The following CAMTA1 variants were observed in gnomAD, a reference collection of about 807,000 sequenced individuals.
The protein encoded by CAMTA1 is calmodulin binding transcription activator 1.
CAMTA1 carries 27 observed loss-of-function variants against 170.9 expected under a neutral mutation model. That is an observed-to-expected ratio of 0.16 (90% CI 0.12 to 0.22). CAMTA1 has a LOEUF of 0.22. Ranked by LOEUF, CAMTA1 falls within the 10% of genes least tolerant of loss-of-function variation. The pLI is 1.00. For synonymous variants in CAMTA1, 833 were observed against 891.5 expected, an observed-to-expected ratio of 0.93 and a Z score of 1.17; for missense variants, 1,619 against 2,217.2, an observed-to-expected ratio of 0.73 and a Z score of 5.42.
At chr1:7,094,261 C>T (rs1641810353) in intron 4 of CAMTA1, among the ~76,000 whole-genome samples, 1 of 147,408 alleles carries the variant, frequency 6.8e-6, no homozygotes, top group African/African-American at 2.5e-5. Flanking sequence ...TGGATCCCCA[C>T]CCCCACCCCA....
In CAMTA1 at chr1:7,268,788, A is replaced by G. The variant is rs78775474; in HGVS notation, c.438+19162A>G. Among the ~76,000 whole-genome samples the G allele has an allele frequency of 8.0e-3, 1,216 of 152,332 alleles. 10 individuals carry two copies. Among genetic ancestry groups the G allele is most frequent in the Non-Finnish European group, 0.013 (881 of 68,026 alleles). On this transcript the variant is annotated intron_variant, in intron 5 of 22. Coordinates refer to ENST00000303635, the MANE Select transcript of CAMTA1 (RefSeq NM_015215.4). ...TTACTAAACATATAAGGAAACAGGA[A>G]AATATGACCTATATCCAGGAGAGAA...
intron 4 of CAMTA1, among the ~76,000 whole-genome samples, chr1:7,166,288 A>G (rs1337831132): frequency 1.3e-5 from 2 of 151,938 alleles, no homozygotes; most frequent in Admixed American, 6.6e-5. Context: ...GGATGGTCTC[A>G]ATCTCCTGAC....
chr1:7,226,863 C>A (rs112607218), intron 4 of CAMTA1, among the ~76,000 whole-genome samples: 1 of 151,602 alleles, frequency 6.6e-6, no homozygotes, highest in Non-Finnish European at 1.5e-5. Context: ...GATGGAGTCT[C>A]GCTCTGTCAC....
At chr1:7,181,579 A>G (rs1217114496) in intron 4 of CAMTA1, among the ~76,000 whole-genome samples, 1 of 152,196 alleles carries the variant, frequency 6.6e-6, no homozygotes, top group Non-Finnish European at 1.5e-5. Flanking sequence ...TTTCTTGTAC[A>G]TAAATAAGAA....
chr1:7,687,239 G>A (rs1487453866), intron 11 of CAMTA1, among the ~76,000 whole-genome samples: 1 of 151,726 alleles, frequency 6.6e-6, no homozygotes, highest in African/African-American at 2.4e-5. Flanking sequence ...GCTGGCCAAG[G>A]AGGGAGGGGG....
intron 3 of CAMTA1, among the ~76,000 whole-genome samples, chr1:7,031,514 C>T (rs967732576): frequency 2.0e-5 from 3 of 152,046 alleles, no homozygotes; most frequent in African/African-American, 7.2e-5. Context: ...ATAGTTTGGT[C>T]TTGCTGTTTA....
At chr1:7,498,266 G>C (rs1235655339) in intron 6 of CAMTA1, among the ~76,000 whole-genome samples, 1 of 150,188 alleles carries the variant, frequency 6.7e-6, no homozygotes, top group African/African-American at 2.4e-5. Context: ...GTATGAGAGA[G>C]CGTGTGTGAG....
chr1:6,800,828 C>T (rs1643695873), intron 1 of CAMTA1, among the ~76,000 whole-genome samples: 1 of 152,284 alleles, frequency 6.6e-6, no homozygotes, highest in Non-Finnish European at 1.5e-5. Context: ...AGGCCGTGAA[C>T]ATAATTTATT....
chr1:7,523,466 C>CA (rs2094391708), intron 6 of CAMTA1, among the ~76,000 whole-genome samples: 1 of 152,180 alleles, frequency 6.6e-6, no homozygotes, highest in Non-Finnish European at 1.5e-5. Context: ...GTTGGGTCTT[C>CA]CAATCCATGA....
intron 3 of CAMTA1, among the ~76,000 whole-genome samples, chr1:7,026,351 G>T (rs116496774): frequency 2.0e-5 from 3 of 151,616 alleles, no homozygotes; most frequent in South Asian, 2.1e-4. Context: ...ATATGTCCAG[G>T]GGGGGAGTCA....
chr1:7,111,103 G>A (rs914842703), intron 4 of CAMTA1, among the ~76,000 whole-genome samples: 15 of 152,286 alleles, frequency 9.8e-5, no homozygotes, highest in East Asian at 1.9e-4. Flanking sequence ...AGCCAGCCAC[G>A]GAGCATCTCT....
intron 5 of CAMTA1, among the ~76,000 whole-genome samples, chr1:7,309,521 G>A (rs7552532): frequency 3.3e-5 from 5 of 151,364 alleles, no homozygotes; most frequent in African/African-American, 9.7e-5. Flanking sequence ...GGATGGTCTC[G>A]ATCTCCTGAC....
chr1:7,395,740 C>G (rs1052606493), intron 5 of CAMTA1, among the ~76,000 whole-genome samples: 2 of 152,056 alleles, frequency 1.3e-5, no homozygotes, highest in African/African-American at 4.8e-5. Context: ...GTGTCCTCTT[C>G]CATTTCTTAT....
rs1237961814 is a variant in CAMTA1 at position 7,044,048 on chromosome 1, G to A, written c.235-47256G>A. Among the ~76,000 whole-genome samples, 1 of 152,256 alleles carries A rather than the reference G, an allele frequency of 6.6e-6. No individual in the cohort carries two copies. Among genetic ancestry groups the A allele is most frequent in the Non-Finnish European group, 1.5e-5 (1 of 68,044 alleles). ...CTGGATCCTCCAGAGGGCCATTAGGGCTGCCAGCGGAGGTCAGGAGCAGTG... is the reference window on the plus strand; with the variant it reads ...CTGGATCCTCCAGAGGGCCATTAGGACTGCCAGCGGAGGTCAGGAGCAGTG... On this transcript the variant is annotated intron_variant, in intron 3 of 22. Coordinates refer to ENST00000303635, the MANE Select transcript of CAMTA1 (RefSeq NM_015215.4). This position sits in a 1 kb window ranked among gnomAD's most constrained non-coding sequence, Gnocchi z 5.0.
intron 4 of CAMTA1, among the ~76,000 whole-genome samples, chr1:7,162,318 A>G (rs1396632823): frequency 6.6e-6 from 1 of 152,162 alleles, no homozygotes; most frequent in Non-Finnish European, 1.5e-5. Context: ...ATCCTCATAT[A>G]ATACAATTCA....
At chr1:7,326,657 C>A (rs949217911) in intron 5 of CAMTA1, among the ~76,000 whole-genome samples, 15 of 152,090 alleles carry the variant, frequency 9.9e-5, no homozygotes, top group Admixed American at 2.0e-4. Flanking sequence ...GCACCTGAAA[C>A]GAGATAAGAA....
At chr1:6,963,199 C>T (rs1690822096) in intron 3 of CAMTA1, among the ~76,000 whole-genome samples, 1 of 148,778 alleles carries the variant, frequency 6.7e-6, no homozygotes, top group South Asian at 2.2e-4. Context: ...CCTCCTCACC[C>T]GCCCCGCCCC....
At chr1:6,811,304 A>G (rs1483486257) in intron 1 of CAMTA1, among the ~76,000 whole-genome samples, 1 of 152,202 alleles carries the variant, frequency 6.6e-6, no homozygotes, top group African/African-American at 2.4e-5. Context: ...TCTCTATGTT[A>G]AGTAGAACCC....
intron 3 of CAMTA1, among the ~76,000 whole-genome samples, chr1:6,860,909 C>G (rs1664419386): frequency 6.7e-6 from 1 of 149,852 alleles, no homozygotes; most frequent in Non-Finnish European, 1.5e-5. Context: ...GAGACTCCAT[C>G]TCAAAAAAAC....
Sources: allele counts gnomAD v4.1 joint callset (sites outside exome capture counted in the v4.1 genomes callset), GRCh38; gene constraint gnomAD v4.1.1; non-coding constraint Gnocchi (gnomAD v3.1); transcripts MANE v1.5; gene names NCBI Gene and HGNC (gene_info 2026-07-23, HGNC 2026-07-21).